Variants in PLPPR1 observed in about 807,000 individuals in gnomAD.
The protein encoded by PLPPR1 is phospholipid phosphatase related 1, also known as phospholipid phosphatase-related protein type 1.
Under a neutral mutation model 33.1 loss-of-function variants are expected in PLPPR1, and 10 were observed. The ratio of observed to expected loss-of-function variants is 0.30; its 90% CI spans 0.19 to 0.51. The LOEUF (loss-of-function observed/expected upper bound fraction) is 0.51. Ranked by LOEUF, PLPPR1 falls within the 20% of genes least tolerant of loss-of-function variation. The pLI is 0.97. For synonymous variants in PLPPR1, 151 were observed against 151.0 expected (o/e 1.00, Z 0.00); for missense variants, 304 against 408.1 (o/e 0.74, Z 2.20).
At chr9:101,166,297 T>C (rs532437104) in intron 1 of PLPPR1, among the ~76,000 whole-genome samples, 5 of 152,312 alleles carry the variant, frequency 3.3e-5, no homozygotes, top group African/African-American at 7.2e-5. Context: ...CAGTTTTTCA[T>C]GGGACAGTTT....
chr9:101,173,032 A>G (rs540674127), intron 1 of PLPPR1, among the ~76,000 whole-genome samples: 41 of 152,100 alleles, frequency 2.7e-4, no homozygotes, highest in Non-Finnish European at 4.9e-4. Context: ...AAGGTTGTTA[A>G]GATTGTCTTC....
chr9:101,202,569 G>T (rs1215271039), intron 2 of PLPPR1, among the ~76,000 whole-genome samples: 2 of 152,214 alleles, frequency 1.3e-5, no homozygotes, highest in African/African-American at 4.8e-5. Flanking sequence ...ACCGTAAAAT[G>T]AGGATTTGAA....
At chr9:101,237,466 G>A (rs1827325775) in intron 2 of PLPPR1, among the ~76,000 whole-genome samples, 1 of 151,248 alleles carries the variant, frequency 6.6e-6, no homozygotes, top group Non-Finnish European at 1.5e-5. Context: ...GTGTGTGTGT[G>A]TGTGTGTGTA....
chr9:101,161,187 G>A (rs1475817952), intron 1 of PLPPR1, among the ~76,000 whole-genome samples: 1 of 152,126 alleles, frequency 6.6e-6, no homozygotes, highest in African/African-American at 2.4e-5. Context: ...AGAGTATTTT[G>A]TTCACTGCAG....
At chr9:101,219,998 A>G (rs1214237110) in intron 2 of PLPPR1, among the ~76,000 whole-genome samples, 1 of 152,152 alleles carries the variant, frequency 6.6e-6, no homozygotes, top group Non-Finnish European at 1.5e-5. Context: ...GGAAGCCTCA[A>G]CTGGAGCACT....
chr9:101,221,154 C>A lies in PLPPR1; in HGVS notation c.63+35597C>A, dbSNP rs527784402. Reference sequence around the variant, plus strand: ...CAGTATTAGGTTACATAAGTAAGTTCTTTAGTGGTGATTTGTGAGATCCTG... The same window carrying A: ...CAGTATTAGGTTACATAAGTAAGTTATTTAGTGGTGATTTGTGAGATCCTG... On this transcript the variant is annotated intron_variant, in intron 2 of 7. Coordinates refer to ENST00000374874, the MANE Select transcript of PLPPR1 (RefSeq NM_207299.2). Among the ~76,000 whole-genome samples the A allele has an allele frequency of 2.6e-5, 4 of 152,150 alleles. No individual in the cohort carries two copies. In the South Asian group the frequency reaches 8.3e-4, roughly 32 times the overall value.
intron 2 of PLPPR1, among the ~76,000 whole-genome samples, chr9:101,243,009 T>C (rs139709171): frequency 4.9e-4 from 75 of 152,230 alleles, no homozygotes; most frequent in Non-Finnish European, 8.8e-4. Flanking sequence ...GAACACTTAT[T>C]ATGCCTCAAA....
chr9:101,164,616 C>T (rs1825827632), intron 1 of PLPPR1, among the ~76,000 whole-genome samples: 1 of 152,060 alleles, frequency 6.6e-6, no homozygotes, highest in African/African-American at 2.4e-5. Flanking sequence ...GATCTACCTG[C>T]CTCGGCCTCC....
At chr9:101,183,047 T>A (rs1372142155) in intron 1 of PLPPR1, among the ~76,000 whole-genome samples, 1 of 151,766 alleles carries the variant, frequency 6.6e-6, no homozygotes, top group African/African-American at 2.4e-5. Context: ...CTGGTGGGAA[T>A]GTAAAATGAT....
At chr9:101,199,267 A>G (rs1257117344) in intron 2 of PLPPR1, among the ~76,000 whole-genome samples, 3 of 152,222 alleles carry the variant, frequency 2.0e-5, no homozygotes, top group Non-Finnish European at 4.4e-5. Flanking sequence ...ACCCTTTCTT[A>G]TAACTCAGGA....
At chr9:101,197,120 TGTTCATGAAGCA>T (rs1229302108) in intron 2 of PLPPR1, among the ~76,000 whole-genome samples, 1 of 152,172 alleles carries the variant, frequency 6.6e-6, no homozygotes, top group Non-Finnish European at 1.5e-5. Flanking sequence ...TTTTCATCTG[TGTTCATGAAGCA>T]GTCTCTTGCC....
intron 1 of PLPPR1, among the ~76,000 whole-genome samples, chr9:101,077,472 C>A (rs987648751): frequency 9.9e-5 from 15 of 152,060 alleles, no homozygotes; most frequent in Non-Finnish European, 2.1e-4. Context: ...GTTATGCATT[C>A]AAATAGTTAT....
At chr9:101,142,383 C>T (rs887184109) in intron 1 of PLPPR1, among the ~76,000 whole-genome samples, 1 of 152,162 alleles carries the variant, frequency 6.6e-6, no homozygotes, top group Non-Finnish European at 1.5e-5. Context: ...CCTATAGTAG[C>T]CAGGACAGCT....
chr9:101,153,779 T>G (rs1351824796), intron 1 of PLPPR1, among the ~76,000 whole-genome samples: 1 of 150,256 alleles, frequency 6.7e-6, no homozygotes, highest in East Asian at 1.9e-4. Context: ...GAGACGGGGT[T>G]TCACCGTGTT....
At chr9:101,068,358 G>C (rs527968651) in intron 1 of PLPPR1, among the ~76,000 whole-genome samples, 1 of 152,112 alleles carries the variant, frequency 6.6e-6, no homozygotes, top group African/African-American at 2.4e-5. Flanking sequence ...AGGGGAAGAG[G>C]ACAGAGCAGA....
At chr9:101,198,861 A>G (rs2118743364) in intron 2 of PLPPR1, among the ~76,000 whole-genome samples, 1 of 152,388 alleles carries the variant, frequency 6.6e-6, no homozygotes, top group South Asian at 2.1e-4. Context: ...GACAGGGAGT[A>G]GTGACAGAGG....
At chr9:101,126,646 T>C (rs1264241466) in intron 1 of PLPPR1, among the ~76,000 whole-genome samples, 2 of 152,180 alleles carry the variant, frequency 1.3e-5, no homozygotes, top group East Asian at 3.9e-4. Flanking sequence ...GTTTTATAGC[T>C]AATTGATTTT....
intron 1 of PLPPR1, among the ~76,000 whole-genome samples, chr9:101,058,346 A>T (rs1028362045): frequency 3.5e-5 from 5 of 141,988 alleles, no homozygotes; most frequent in Non-Finnish European, 7.6e-5. Flanking sequence ...CACCAAACAT[A>T]TCTGAGTGAG....
At chr9:101,244,844 G>A (rs1464682972) in intron 2 of PLPPR1, among the ~76,000 whole-genome samples, 6 of 151,736 alleles carry the variant, frequency 4.0e-5, no homozygotes, top group African/African-American at 1.5e-4. Flanking sequence ...TTAGTGTCCA[G>A]AATTTATTAA....
Sources: gnomAD v4.1 joint callset for allele counts (sites outside exome capture counted in the v4.1 genomes callset) on GRCh38, gnomAD v4.1.1 for gene constraint, MANE v1.5 for transcripts, NCBI Gene and HGNC (gene_info 2026-07-23, HGNC 2026-07-21) for gene names.